The following ATXN7 variants were observed in gnomAD, a reference collection of about 807,000 sequenced individuals.
The protein encoded by ATXN7 is ataxin 7.
ATXN7 carries 12 observed loss-of-function variants against 70.5 expected under a neutral mutation model. That is an observed-to-expected ratio of 0.17 (90% CI 0.11 to 0.28). The LOEUF (loss-of-function observed/expected upper bound fraction) is 0.28. ATXN7 is among the 10% of genes least tolerant of loss of function. The pLI is 1.00. For missense variants in ATXN7, 1,256 were observed against 1,131.7 expected, an observed-to-expected ratio of 1.11 and a Z score of -1.58; for synonymous variants, 498 against 448.7, an observed-to-expected ratio of 1.11 and a Z score of -1.39.
Position 63,912,709 on chromosome 3 carries a change from G to A in ATXN7, c.111G>A (p.Gln37=), listed in dbSNP as rs929040913. The change falls in exon 3 of 13, where the codon CAG becomes CAA. Residue 37 remains glutamine (Q), a synonymous_variant. Coordinates refer to ENST00000674280, the MANE Select transcript of ATXN7 (RefSeq NM_001377405.1). ...AARQQQQQQQ[Q]QQPPPPQPQR... ...GGCAGCAGCAGCAGCAGCAGCAGCA[G>A]CAGCAGCCGCCGCCTCCGCAGCCCC... 87 of 1,205,602 alleles carry A rather than the reference G, an allele frequency of 7.2e-5. No homozygotes were observed. Among genetic ancestry groups the A allele is most frequent in the Non-Finnish European group, 8.8e-5 (85 of 961,304 alleles). 74.7% of individuals were successfully genotyped at this position (1,205,602 alleles called of 1,614,324 possible).
At chr3:63,991,305 T>TG (rs1028287059) in intron 11 of ATXN7, among the ~76,000 whole-genome samples, 2 of 122,630 alleles carry the variant, frequency 1.6e-5, no homozygotes, top group African/African-American at 3.1e-5. Context: ...CCTGGTTTTT[T>TG]TTTTGTTTTG....
intron 5 of ATXN7, among the ~76,000 whole-genome samples, chr3:63,972,146 A>T (rs981052649): frequency 6.6e-6 from 1 of 152,232 alleles, no homozygotes; most frequent in Admixed American, 6.5e-5. Flanking sequence ...CAACCTGGAC[A>T]TAAAAATAAA....
intron 1 of ATXN7, chr3:63,873,673 C>G (rs1054415946): frequency 7.2e-5 from 11 of 152,168 alleles, no homozygotes; most frequent in Admixed American, 6.6e-4. Context: ...CTGGTTCACC[C>G]GTCTCCTTCC....
intron 5 of ATXN7, among the ~76,000 whole-genome samples, chr3:63,964,571 C>T (rs1254759101): frequency 6.6e-6 from 1 of 152,180 alleles, no homozygotes; most frequent in Non-Finnish European, 1.5e-5. Context: ...GCCTTACACA[C>T]ATGAAGTGTG....
chr3:63,920,698 G>A (rs1352773720), intron 4 of ATXN7, among the ~76,000 whole-genome samples: 2 of 152,000 alleles, frequency 1.3e-5, no homozygotes, highest in East Asian at 1.9e-4. Context: ...GGGAGGGGAA[G>A]TATCTACAGT....
At chr3:63,990,062 G>A (rs1575996413) in intron 9 of ATXN7, 114 bp from the exon 10 acceptor site, 2 of 961,946 alleles carry the variant, frequency 2.1e-6, no homozygotes, top group East Asian at 2.5e-5. Flanking sequence ...CCCAGTGCTA[G>A]AGGTGGAACC....
intron 1 of ATXN7, among the ~76,000 whole-genome samples, chr3:63,890,375 G>C (rs1703221165): frequency 1.3e-5 from 2 of 152,164 alleles, no homozygotes; most frequent in South Asian, 4.1e-4. Context: ...CCTCTTAGCT[G>C]TTTATCCAAA....
At chr3:63,885,295 A>G (rs1190759123) in intron 1 of ATXN7, among the ~76,000 whole-genome samples, 1 of 152,190 alleles carries the variant, frequency 6.6e-6, no homozygotes. Context: ...AGGAGAAAGA[A>G]ACTGAATTGA....
intron 1 of ATXN7, chr3:63,865,132 A>T (rs908510438): frequency 1.3e-5 from 2 of 152,344 alleles, no homozygotes; most frequent in Admixed American, 6.5e-5. Context: ...TACTAAATTT[A>T]GGTACATTCT....
intron 4 of ATXN7, among the ~76,000 whole-genome samples, chr3:63,937,159 C>A (rs2074677183): frequency 6.6e-6 from 1 of 152,124 alleles, no homozygotes; most frequent in African/African-American, 2.4e-5. Flanking sequence ...CATGTAATTA[C>A]TGATAAGCAT....
chr3:63,963,382 A>G (rs1479559638), intron 5 of ATXN7, among the ~76,000 whole-genome samples: 2 of 152,038 alleles, frequency 1.3e-5, no homozygotes, highest in Non-Finnish European at 2.9e-5. Flanking sequence ...CATCTCAACT[A>G]TTTTCAGTGC....
intron 4 of ATXN7, among the ~76,000 whole-genome samples, chr3:63,933,344 C>G (rs1460787005): frequency 1.3e-5 from 2 of 152,138 alleles, no homozygotes; most frequent in Non-Finnish European, 2.9e-5. Flanking sequence ...TTTTAAAATG[C>G]AGTCTGACCT....
Position 63,863,904 on chromosome 3 carries a change from G to C in ATXN7, c.-365G>C. Reference sequence around the variant, plus strand: ...GGTAAACAGCCATGGAGGAGGAGGCGGCGGCGCCCGCGGCCGCCTGCTCCG... The same window carrying C: ...GGTAAACAGCCATGGAGGAGGAGGCCGCGGCGCCCGCGGCCGCCTGCTCCG... On this transcript the variant is annotated 5_prime_UTR_variant, in exon 1 of 13. Coordinates refer to ENST00000674280, the MANE Select transcript of ATXN7 (RefSeq NM_001377405.1). 3 of 1,087,498 alleles carry C rather than the reference G, an allele frequency of 2.8e-6. No individual in the cohort carries two copies. The highest frequency in any genetic ancestry group is 3.4e-6 in the Non-Finnish European group (3 of 894,130). The allele number at this position is 1,087,498 out of a possible 1,614,324, so 67.4% of individuals were successfully genotyped here. A position where few individuals can be genotyped will look rare whatever the true frequency, so the allele number is the denominator to read the frequency against.
At chr3:63,988,462 T>TA in intron 9 of ATXN7, 138 bp downstream of exon 9, 2 of 1,204,784 alleles carry the variant, frequency 1.7e-6, no homozygotes, top group African/African-American at 1.6e-5. Context: ...AGTTTTACTA[T>TA]GAAAAAAAAA....
intron 1 of ATXN7, among the ~76,000 whole-genome samples, chr3:63,891,800 C>A (rs1703275270): frequency 6.6e-6 from 1 of 152,170 alleles, no homozygotes; most frequent in Non-Finnish European, 1.5e-5. Flanking sequence ...GAAGCATTTT[C>A]CCTGGATCTT....
chr3:63,998,757 G>T, intron 12 of ATXN7: 1 of 929,526 alleles, frequency 1.1e-6, no homozygotes, highest in Non-Finnish European at 1.3e-6. Flanking sequence ...AATCTCAAAG[G>T]GACTCGTGAC....
intron 5 of ATXN7, chr3:63,967,922 G>A: frequency 2.0e-6 from 3 of 1,535,942 alleles, no homozygotes; most frequent in Non-Finnish European, 1.7e-6. Context: ...ATGGAAGGTA[G>A]CAAGACGCCT....
At chr3:63,863,517 G>A, upstream of ATXN7, 2 of 1,188,520 alleles carry the variant, frequency 1.7e-6, no homozygotes, top group South Asian at 4.3e-5. Flanking sequence ...ATAGCCCCGC[G>A]CTGCCTCCGG....
chr3:63,891,569 C>G (rs923363172), intron 1 of ATXN7, among the ~76,000 whole-genome samples: 2 of 151,992 alleles, frequency 1.3e-5, no homozygotes, highest in African/African-American at 4.8e-5. Context: ...GGGATCCTCC[C>G]TCCTCAGCCT....
Sources: allele counts gnomAD v4.1 joint callset (sites outside exome capture counted in the v4.1 genomes callset), GRCh38; gene constraint gnomAD v4.1.1; transcripts MANE v1.5; gene names NCBI Gene and HGNC (gene_info 2026-07-23, HGNC 2026-07-21).